RAP1GAP: variants seen among roughly 807,000 people sequenced by gnomAD.
RAP1GAP encodes rap1 GTPase-activating protein 1.
In RAP1GAP, 35 loss-of-function variants were observed where a neutral mutation model predicts 87.2. The ratio of observed to expected loss-of-function variants is 0.40; its 90% CI spans 0.31 to 0.53. The LOEUF (loss-of-function observed/expected upper bound fraction) is 0.53, where lower values mean the gene tolerates loss of function less well. Among genes scored for constraint, RAP1GAP ranks in the 20% least tolerant of loss-of-function variants. RAP1GAP has a pLI of 0.48. For synonymous variants in RAP1GAP, 375 were observed against 363.9 expected (o/e 1.03, Z -0.35); for missense variants, 734 against 898.9 (o/e 0.82, Z 2.35).
At chr1:21,619,303 G>A (rs575701644) in intron 4 of RAP1GAP, among the ~76,000 whole-genome samples, 1 of 152,224 alleles carries the variant, frequency 6.6e-6, no homozygotes, top group Admixed American at 6.5e-5. Context: ...GGGACTCTGC[G>A]GGAACGCACG....
Position 21,603,018 on chromosome 1 carries a change from G to A in RAP1GAP, c.1429-105C>T. 1.3e-6 allele frequency: 1 copy of A among 760,158 alleles called. No individual in the cohort carries two copies. Among genetic ancestry groups the A allele is most frequent in the Non-Finnish European group, 2.1e-6 (1 of 473,718 alleles). The allele number at this position is 760,158 out of a possible 1,614,324, so 47.1% of individuals were successfully genotyped here. On this transcript the variant is annotated intron_variant, in intron 18 of 24. Coordinates refer to ENST00000374765, the MANE Select transcript of RAP1GAP (RefSeq NM_002885.4). The surrounding 1 kb of genome is among the most constrained non-coding windows in gnomAD (Gnocchi z 6.0). Reference sequence around the variant, plus strand: ...CTGCCCCAGGCCCTGAAGCAGAGTTGATGAGCAAGAAAGAACGAGAGAAGA... The same window carrying A: ...CTGCCCCAGGCCCTGAAGCAGAGTTAATGAGCAAGAAAGAACGAGAGAAGA...
intron 18 of RAP1GAP, among the ~76,000 whole-genome samples, chr1:21,604,990 T>G (rs1175874019): frequency 1.2e-4 from 3 of 24,968 alleles, no homozygotes; most frequent in Non-Finnish European, 2.3e-4. Context: ...GATGGGTAGG[T>G]GGGTGGATGG....
At position 21,629,579 on chromosome 1, in the gene RAP1GAP, G is replaced by A. The variant is rs942937975; in HGVS notation, c.-112-3182C>T. On this transcript the variant is annotated intron_variant, in intron 2 of 24. Coordinates refer to ENST00000374765, the MANE Select transcript of RAP1GAP (RefSeq NM_002885.4). ...CACCTAAAAAGCCACTGCTGAGGCC[G>A]TAAGGGGCAGGGGAAGGGAGGGGCT... is the stretch of plus-strand genomic sequence containing the variant. 4.6e-5 allele frequency among the ~76,000 whole-genome samples: 7 copies of A among 152,316 alleles called. No individual in the cohort carries two copies. In the East Asian group the frequency reaches 5.8e-4, roughly 13 times the overall value.
chr1:21,639,613 C>A (rs199908621), intron 2 of RAP1GAP, among the ~76,000 whole-genome samples: 5 of 152,204 alleles, frequency 3.3e-5, no homozygotes, highest in Admixed American at 2.0e-4. Flanking sequence ...GAAAGTACGT[C>A]CTAAGCTAGA....
intron 1 of RAP1GAP, among the ~76,000 whole-genome samples, chr1:21,657,449 TG>T (rs1239242604): frequency 6.6e-6 from 1 of 152,232 alleles, no homozygotes; most frequent in African/African-American, 2.4e-5. Context: ...CAAACACGCA[TG>T]GAGCATCCAG....
At chr1:21,664,267 C>G (rs1257671899) in intron 1 of RAP1GAP, among the ~76,000 whole-genome samples, 1 of 152,118 alleles carries the variant, frequency 6.6e-6, no homozygotes, top group African/African-American at 2.4e-5. Context: ...AAAATGAGGC[C>G]CAGGGAAACA....
chr1:21,651,423 T>TGC, intron 1 of RAP1GAP: 1 of 564,840 alleles, frequency 1.8e-6, no homozygotes, highest in South Asian at 1.4e-5. Context: ...CACACACGCA[T>TGC]GCACACACAC....
At chr1:21,645,142 C>T (rs1228130787) in intron 2 of RAP1GAP, among the ~76,000 whole-genome samples, 5 of 152,166 alleles carry the variant, frequency 3.3e-5, no homozygotes, top group Admixed American at 6.5e-5. Flanking sequence ...GCCTACAGTA[C>T]GTGTTCAGTG....
At chr1:21,631,645 C>T (rs1182493884) in intron 2 of RAP1GAP, among the ~76,000 whole-genome samples, 1 of 152,190 alleles carries the variant, frequency 6.6e-6, no homozygotes, top group Non-Finnish European at 1.5e-5. Flanking sequence ...GAGATTGCGC[C>T]ATTGCACTCC....
In RAP1GAP at chr1:21,603,546, C is replaced by T. The variant is rs1429964116; in HGVS notation, c.1429-633G>A. The T allele has an allele frequency of 1.6e-6, 1 of 608,446 alleles. No homozygotes were observed. The highest frequency in any genetic ancestry group is 2.8e-5 in the East Asian group (1 of 36,202). 37.7% of individuals were successfully genotyped at this position (608,446 alleles called of 1,614,324 possible). A position where few individuals can be genotyped will look rare whatever the true frequency, so the allele number is the denominator to read the frequency against. On this transcript the variant is annotated intron_variant, in intron 18 of 24. Transcript: ENST00000374765. This position sits in a 1 kb window ranked among gnomAD's most constrained non-coding sequence, Gnocchi z 6.0. ...ACCGGCGATATTGGGGGACGTGCGG[C>T]TGGGTGTAGGGCCTTTGGGTACCGG...
rs573610931 is a variant in RAP1GAP, at chr1:21,669,129, C to T, written c.-149+125G>A. 1.1e-5 allele frequency: 12 copies of T among 1,061,976 alleles called. No individual in the cohort carries two copies. The South Asian group carries it at 2.0e-4, about 18-fold the overall frequency. The allele number at this position is 1,061,976 out of a possible 1,614,324, so 65.8% of individuals were successfully genotyped here. ...CGCCCCTGGAGACCCGGGTCCCCCACGCGTTCGCCCCCACCCTCCGTCCCC... is the reference window on the plus strand; with the variant it reads ...CGCCCCTGGAGACCCGGGTCCCCCATGCGTTCGCCCCCACCCTCCGTCCCC... On this transcript the variant is annotated intron_variant, in intron 1 of 24. Transcript: ENST00000374765. This position sits in a 1 kb window ranked among gnomAD's most constrained non-coding sequence, Gnocchi z 5.6.
chr1:21,608,069 C>T, intron 17 of RAP1GAP, 144 bp downstream of exon 17: 1 of 1,254,282 alleles, frequency 8.0e-7, no homozygotes. Context: ...GTCAATCCCC[C>T]AGTCCGGGAC....
intron 18 of RAP1GAP, among the ~76,000 whole-genome samples, chr1:21,604,128 C>T (rs563018367): frequency 8.6e-5 from 13 of 151,666 alleles, no homozygotes; most frequent in South Asian, 2.1e-4. Context: ...ACAAGGGAGA[C>T]GGGGGAGAGA....
rs2078312527 is a variant in RAP1GAP at position 21,611,577 on chromosome 1, G to A, written c.718C>T (p.Arg240Ter). The change falls in exon 13 of 25, where the codon CGA (arginine) becomes TGA (stop). Residue 240 changes from arginine (R) to a stop codon, truncating the protein, a stop_gained. Coordinates refer to ENST00000374765, the MANE Select transcript of RAP1GAP (RefSeq NM_002885.4). LOFTEE classifies it high-confidence loss of function. ...CCGTGGGTCACGTCCAGGCCTCCTCGGAACCTGCCCCGGGGCCCCCCAGGC... is the reference window on the plus strand; with the variant it reads ...CCGTGGGTCACGTCCAGGCCTCCTCAGAACCTGCCCCGGGGCCCCCCAGGC... The part of the protein sequence containing the change: ...KVKLQDFKGF[R>*]GGLDVTHGQT... The A allele has an allele frequency of 3.1e-6, 5 of 1,613,974 alleles. No individual in the cohort carries two copies. Among genetic ancestry groups the A allele is most frequent in the African/African-American group, 1.3e-5 (1 of 74,922 alleles).
chr1:21,654,430 A>G (rs922142761), intron 1 of RAP1GAP, among the ~76,000 whole-genome samples: 17 of 152,344 alleles, frequency 1.1e-4, no homozygotes, highest in Admixed American at 8.5e-4. Context: ...ATTTATGATG[A>G]AAATAACCGT....
At position 21,614,144 on chromosome 1, in the gene RAP1GAP, G is replaced by C; in HGVS notation, c.292-55C>G. On this transcript the variant is annotated intron_variant, in intron 7 of 24. Coordinates refer to ENST00000374765, the MANE Select transcript of RAP1GAP (RefSeq NM_002885.4). ...GGGTGAGGCTGAGCATGGGGCTTTT[G>C]GAAACAAGGCCAGAAAGCCAACCCA... is the stretch of plus-strand genomic sequence containing the variant. The C allele has an allele frequency of 2.3e-6, 3 of 1,306,468 alleles. No homozygotes were observed. In the South Asian group the frequency reaches 3.9e-5, roughly 17 times the overall value. 80.9% of individuals were successfully genotyped at this position (1,306,468 alleles called of 1,614,324 possible). A position where few individuals can be genotyped will look rare whatever the true frequency, so the allele number is the denominator to read the frequency against.
chr1:21,651,357 C>T (rs1440596598), intron 1 of RAP1GAP: 1 of 489,804 alleles, frequency 2.0e-6, no homozygotes, highest in South Asian at 1.5e-5. Context: ...CCAGCAGAAC[C>T]TCCCCCTGAC....
At chr1:21,667,563 A>C (rs2097408842) in intron 1 of RAP1GAP, 1 of 152,584 alleles carries the variant, frequency 6.6e-6, no homozygotes, top group South Asian at 2.1e-4. Context: ...CCCTCTCCTC[A>C]ACCTGACCCA....
chr1:21,664,883 C>T (rs2097287881), intron 1 of RAP1GAP, among the ~76,000 whole-genome samples: 1 of 152,112 alleles, frequency 6.6e-6, no homozygotes, highest in Non-Finnish European at 1.5e-5. Flanking sequence ...AAAGCAGTTC[C>T]CAGCCAGTAT....
Sources: allele counts gnomAD v4.1 joint callset (sites outside exome capture counted in the v4.1 genomes callset), GRCh38; gene constraint gnomAD v4.1.1; non-coding constraint Gnocchi (gnomAD v3.1); transcripts MANE v1.5; gene names NCBI Gene and HGNC (gene_info 2026-07-23, HGNC 2026-07-21).